CDH12: variants seen among roughly 807,000 people sequenced by gnomAD.
The protein encoded by CDH12 is cadherin-12.
Under a neutral mutation model 74.1 loss-of-function variants are expected in CDH12, and 41 were observed. That is an observed-to-expected ratio of 0.55 (90% confidence interval 0.43 to 0.72). The LOEUF is 0.72. Among genes scored for constraint, CDH12 ranks in the 30% least tolerant of loss-of-function variants. The pLI is 0.00. For missense variants in CDH12, 945 were observed against 977.2 expected (o/e 0.97, Z 0.44); for synonymous variants, 399 against 355.0 (o/e 1.12, Z -1.39).
rs188049820 is a variant in CDH12, at chr5:22,306,812, T to A, written c.-332-94169A>T. Among the ~76,000 whole-genome samples, 375 of 152,238 alleles carry A rather than the reference T, an allele frequency of 2.5e-3. 3 individuals carry two copies. The highest frequency in any genetic ancestry group is 8.9e-3 in the African/African-American group (369 of 41,554). ...ATACTTATAAATATTAGGAATAAAA[T>A]GGAGAGAATAAAAATTAGATGTACC... On this transcript the variant is annotated intron_variant, in intron 3 of 14. Transcript: ENST00000382254.
intron 3 of CDH12, among the ~76,000 whole-genome samples, chr5:22,403,900 A>G (rs1035201881): frequency 2.0e-5 from 3 of 152,178 alleles, no homozygotes; most frequent in African/African-American, 7.2e-5. Flanking sequence ...ATCATTACAC[A>G]ATTAAATTAT....
intron 1 of CDH12, among the ~76,000 whole-genome samples, chr5:22,529,646 A>C (rs1022485158): frequency 3.9e-5 from 6 of 152,070 alleles, no homozygotes; most frequent in Admixed American, 6.6e-5. Flanking sequence ...TTGCAAACAC[A>C]TTCAGAATAA....
chr5:22,432,113 G>A (rs1301921746), intron 2 of CDH12, among the ~76,000 whole-genome samples: 1 of 152,002 alleles, frequency 6.6e-6, no homozygotes. Context: ...AATAAGTGCG[G>A]TATTGAAGTG....
intron 5 of CDH12, among the ~76,000 whole-genome samples, chr5:22,017,751 T>A (rs903943820): frequency 6.6e-6 from 1 of 151,666 alleles, no homozygotes; most frequent in South Asian, 2.1e-4. Context: ...AAAATACCAG[T>A]TTCCCTCCAT....
intron 8 of CDH12, among the ~76,000 whole-genome samples, chr5:21,819,658 G>A (rs1164678561): frequency 6.6e-6 from 1 of 151,950 alleles, no homozygotes; most frequent in Non-Finnish European, 1.5e-5. Flanking sequence ...AATCCTTCTT[G>A]ATTAGGACAT....
chr5:22,724,712 G>A (rs1744074053), intron 1 of CDH12, among the ~76,000 whole-genome samples: 2 of 151,660 alleles, frequency 1.3e-5, no homozygotes, highest in African/African-American at 4.8e-5. Flanking sequence ...ATGTGTTAAA[G>A]ATATTGTTTT....
intron 5 of CDH12, among the ~76,000 whole-genome samples, chr5:22,073,371 T>A (rs757270187): frequency 2.0e-5 from 3 of 152,134 alleles, no homozygotes; most frequent in Non-Finnish European, 2.9e-5. Flanking sequence ...GATACCTAAC[T>A]TGGAGGCTAT....
intron 5 of CDH12, among the ~76,000 whole-genome samples, chr5:22,075,961 T>C (rs1428807451): frequency 6.6e-6 from 1 of 152,112 alleles, no homozygotes. Flanking sequence ...CATACATATA[T>C]AATGGATTAA....
At chr5:22,309,106 T>C (rs989610623) in intron 3 of CDH12, among the ~76,000 whole-genome samples, 10 of 152,166 alleles carry the variant, frequency 6.6e-5, no homozygotes, top group African/African-American at 2.4e-4. Flanking sequence ...GTATACAGTA[T>C]TGTACCATAA....
intron 1 of CDH12, among the ~76,000 whole-genome samples, chr5:22,726,823 TA>T (rs1744186733): frequency 6.6e-6 from 1 of 151,824 alleles, no homozygotes; most frequent in Admixed American, 6.6e-5. Context: ...ATTATAGAAG[TA>T]ATACAAACAG....
intron 4 of CDH12, among the ~76,000 whole-genome samples, chr5:22,135,332 T>G (rs1308819403): frequency 6.6e-6 from 1 of 151,956 alleles, no homozygotes; most frequent in East Asian, 1.9e-4. Context: ...GGTCCATTTT[T>G]AAGTGTATTT....
intron 1 of CDH12, among the ~76,000 whole-genome samples, chr5:22,742,327 G>T (rs956176094): frequency 6.6e-6 from 1 of 152,124 alleles, no homozygotes; most frequent in Non-Finnish European, 1.5e-5. Context: ...AGGACCAGAG[G>T]AGTCTGAGTA....
chr5:21,789,674 C>G (rs147978792), intron 10 of CDH12, among the ~76,000 whole-genome samples: 6 of 152,222 alleles, frequency 3.9e-5, no homozygotes, highest in African/African-American at 1.4e-4. Context: ...TGATATTTTT[C>G]AAAGCTTTTC....
intron 1 of CDH12, among the ~76,000 whole-genome samples, chr5:22,524,786 ATTTTAT>A (rs200475068): frequency 0.012 from 1,872 of 151,632 alleles, 37 homozygotes; most frequent in African/African-American, 0.043. Flanking sequence ...CTCATATTTT[ATTTTAT>A]TTTTATTTTT....
chr5:22,411,319 C>T (rs541928931), intron 2 of CDH12, among the ~76,000 whole-genome samples: 4 of 151,782 alleles, frequency 2.6e-5, no homozygotes, highest in African/African-American at 9.7e-5. Context: ...ATACATCAAG[C>T]AGATAGGAAT....
chr5:22,341,773 C>A (rs1739862468), intron 3 of CDH12, among the ~76,000 whole-genome samples: 1 of 151,936 alleles, frequency 6.6e-6, no homozygotes, highest in Non-Finnish European at 1.5e-5. Context: ...GTTAGGCAAT[C>A]ATACATCTCT....
chr5:22,212,676 C>A (rs1751611134), intron 3 of CDH12, 33 bp from the exon 4 acceptor site: 1 of 820,664 alleles, frequency 1.2e-6, no homozygotes. Flanking sequence ...TGAAATCCTC[C>A]GAGGTTCCCA....
chr5:21,756,293 G>A (rs1291255970), intron 13 of CDH12, among the ~76,000 whole-genome samples: 2 of 151,794 alleles, frequency 1.3e-5, no homozygotes, highest in Non-Finnish European at 2.9e-5. Flanking sequence ...TCTACATGTT[G>A]TATATGTATA....
At chr5:22,696,102 C>T (rs546205539) in intron 1 of CDH12, among the ~76,000 whole-genome samples, 2 of 152,248 alleles carry the variant, frequency 1.3e-5, no homozygotes, top group African/African-American at 4.8e-5. Flanking sequence ...GGCGCGGTGG[C>T]TCATGCCTGT....
Sources: allele counts gnomAD v4.1 joint callset (sites outside exome capture counted in the v4.1 genomes callset), GRCh38; gene constraint gnomAD v4.1.1; transcripts MANE v1.5; gene names NCBI Gene and HGNC (gene_info 2026-07-23, HGNC 2026-07-21).